AMTN: variants seen among roughly 807,000 people sequenced by gnomAD.
AMTN encodes the protein RSTI689.
AMTN carries 29 observed loss-of-function variants against 27.4 expected under a neutral mutation model. That is an observed-to-expected ratio of 1.06 (90% CI 0.79 to 1.44). The LOEUF (loss-of-function observed/expected upper bound fraction) is 1.44, where lower values mean the gene tolerates loss of function less well. AMTN is among the 40% of genes most tolerant of loss of function. The pLI, the probability that AMTN is intolerant of heterozygous loss-of-function variation, is 0.00. For missense variants in AMTN, 247 were observed against 248.8 expected (o/e 0.99, Z 0.05); for synonymous variants, 86 against 95.7 (o/e 0.90, Z 0.59).
In AMTN at chr4:70,528,655, A is replaced by G. The variant is rs1023635381; in HGVS notation, c.295-68A>G. 2.1e-6 allele frequency: 3 copies of G among 1,426,768 alleles called. No homozygotes were observed. In the African/African-American group the frequency reaches 4.3e-5, roughly 20 times the overall value. The allele number at this position is 1,426,768 out of a possible 1,614,324, so 88.4% of individuals were successfully genotyped here. A position where few individuals can be genotyped will look rare whatever the true frequency, so the allele number is the denominator to read the frequency against. ...ACAGAGCAAGACTCCATCTCCAAAA[A>G]AAGATATCAGTATTTATACCATCTT... On this transcript the variant is annotated intron_variant, in intron 5 of 8. Coordinates refer to ENST00000339336, the MANE Select transcript of AMTN (RefSeq NM_212557.4).
chr4:70,527,933 T>A (rs1043922387), intron 5 of AMTN, among the ~76,000 whole-genome samples: 2 of 152,144 alleles, frequency 1.3e-5, no homozygotes, highest in African/African-American at 4.8e-5. Context: ...ATGCCAGGGG[T>A]TACTGAGCAA....
chr4:70,522,728 TCAAATATGTATTTGTTTTCA>T lies in AMTN; in HGVS notation c.55-22_55-3del. The T allele has an allele frequency of 6.2e-7, 1 of 1,609,898 alleles. No homozygotes were observed. Among genetic ancestry groups the T allele is most frequent in the Non-Finnish European group, 8.5e-7 (1 of 1,176,280 alleles). On this transcript the variant is annotated splice_region_variant and splice_polypyrimidine_tract_variant and intron_variant, in intron 2 of 8. Coordinates refer to ENST00000339336, the MANE Select transcript of AMTN (RefSeq NM_212557.4). ...AAATCTTAAACACATTCCTGCCTCA[TCAAATATGTATTTGTTTTCA>T]CAAAAGCAGCTCAAACCTGCTTTGG...
intron 5 of AMTN, among the ~76,000 whole-genome samples, chr4:70,528,161 G>A (rs1384745081): frequency 6.6e-6 from 1 of 151,438 alleles, no homozygotes; most frequent in Admixed American, 6.6e-5. Context: ...ATTTTTTTTT[G>A]TTGTTTATCC....
intron 5 of AMTN, among the ~76,000 whole-genome samples, chr4:70,527,830 C>G (rs1351148621): frequency 6.6e-6 from 1 of 152,156 alleles, no homozygotes; most frequent in East Asian, 1.9e-4. Context: ...TCACTCGAAT[C>G]TTTTTCATCT....
chr4:70,530,912 G>T, intron 7 of AMTN, 127 bp from the exon 8 acceptor site: 1 of 1,297,562 alleles, frequency 7.7e-7, no homozygotes, highest in Admixed American at 2.4e-5. Context: ...GGAATGCCAG[G>T]TCTTTGCTGT....
intron 5 of AMTN, 77 bp from the exon 6 acceptor site, chr4:70,528,645 AT>A (rs1343223409): frequency 7.6e-7 from 1 of 1,307,490 alleles, no homozygotes; most frequent in Non-Finnish European, 1.1e-6. Context: ...GCAAGACTCC[AT>A]CTCCAAAAAA....
At chr4:70,524,561 G>T (rs1736053646) in intron 4 of AMTN, among the ~76,000 whole-genome samples, 2 of 152,136 alleles carry the variant, frequency 1.3e-5, no homozygotes, top group Non-Finnish European at 2.9e-5. Context: ...AGGAAGAATT[G>T]CTCTTGTAGC....
Position 70,527,228 on chromosome 4 carries a change from C to T in AMTN, c.295-1495C>T, listed in dbSNP as rs1031392104. ...AAAACAATGCCTACCACATAGTAAA[C>T]ATGCGATGTGTTATTACGATTTCAA... is the stretch of plus-strand genomic sequence containing the variant. On this transcript the variant is annotated intron_variant, in intron 5 of 8. Transcript: ENST00000339336. 7.2e-5 allele frequency among the ~76,000 whole-genome samples: 11 copies of T among 152,268 alleles called. No homozygotes were observed. In the East Asian group the frequency reaches 1.2e-3, roughly 16 times the overall value.
intron 4 of AMTN, 48 bp downstream of exon 4, chr4:70,523,981 A>G (rs1736040242): frequency 6.7e-7 from 1 of 1,487,682 alleles, no homozygotes; most frequent in Non-Finnish European, 9.4e-7. Context: ...AAATAAATAT[A>G]ATGCCTAATA....
intron 3 of AMTN, among the ~76,000 whole-genome samples, chr4:70,523,577 G>A (rs1004284269): frequency 5.9e-5 from 9 of 152,100 alleles, no homozygotes; most frequent in African/African-American, 1.9e-4. Context: ...TACAAAATTC[G>A]ATATGTAAAA....
intron 7 of AMTN, among the ~76,000 whole-genome samples, chr4:70,530,599 T>C (rs1736199114): frequency 6.6e-6 from 1 of 152,198 alleles, no homozygotes; most frequent in Non-Finnish European, 1.5e-5. Flanking sequence ...GAATTCTTTA[T>C]GTATCTTCAA....
chr4:70,531,238 C>A lies in AMTN; in HGVS notation c.557C>A (p.Thr186Asn), dbSNP rs749080965. Residue 186 changes from threonine (T) to asparagine (N), a missense_variant, in exon 8 of 9, where the codon ACC becomes AAC. Physicochemically the swap from Thr to Asn is moderately conservative, Grantham distance 65 (BLOSUM62 0). Coordinates refer to ENST00000339336, the MANE Select transcript of AMTN (RefSeq NM_212557.4). Reference protein sequence around the residue: ...SGTDDDFAVTTPAGIQRSTHA... With the variant: ...SGTDDDFAVTNPAGIQRSTHA... ...ACAGATGACGACTTTGCAGTGACCACCCCTGCAGGCATCCAAAGGAGCACA... is the reference window on the plus strand; with the variant it reads ...ACAGATGACGACTTTGCAGTGACCAACCCTGCAGGCATCCAAAGGAGCACA... 8.1e-6 allele frequency: 13 copies of A among 1,613,952 alleles called. 1 individual carries two copies. In the South Asian group the frequency reaches 9.9e-5, roughly 12 times the overall value.
chr4:70,532,567 T>C lies in AMTN; in HGVS notation c.*102T>C. The C allele has an allele frequency of 2.9e-6, 3 of 1,046,806 alleles. No homozygotes were observed. The highest frequency in any genetic ancestry group is 1.5e-5 in the South Asian group (1 of 64,978). 64.8% of individuals were successfully genotyped at this position (1,046,806 alleles called of 1,614,324 possible). Reference sequence around the variant, plus strand: ...GAATAGATTGAGACACATTGGATAGTCTTAGAAGAAATTAATTCTTAATTT... The same window carrying C: ...GAATAGATTGAGACACATTGGATAGCCTTAGAAGAAATTAATTCTTAATTT... On this transcript the variant is annotated 3_prime_UTR_variant, in exon 9 of 9. Coordinates refer to ENST00000339336, the MANE Select transcript of AMTN (RefSeq NM_212557.4).
rs149276028 is a variant in AMTN, at chr4:70,526,212, T to G, written c.294+1251T>G. ...TCTAGAGTATGTCCTTCCAGTCTTT[T>G]TTCTATACACATAAGTACATTTTTA... is the stretch of plus-strand genomic sequence containing the variant. On this transcript the variant is annotated intron_variant, in intron 5 of 8. Transcript: ENST00000339336. 9.5e-4 allele frequency among the ~76,000 whole-genome samples: 144 copies of G among 152,312 alleles called. 1 individual carries two copies. Among genetic ancestry groups the G allele is most frequent in the African/African-American group, 3.2e-3 (134 of 41,586 alleles).
At chr4:70,531,449 T>C in intron 8 of AMTN, 149 bp downstream of exon 8, 2 of 1,040,080 alleles carry the variant, frequency 1.9e-6, no homozygotes. Flanking sequence ...TCCAGCAACA[T>C]GAGGGAATAT....
chr4:70,527,855 T>C (rs1736131698), intron 5 of AMTN, among the ~76,000 whole-genome samples: 1 of 152,196 alleles, frequency 6.6e-6, no homozygotes, highest in Non-Finnish European at 1.5e-5. Flanking sequence ...GTGAACTAAA[T>C]TTATAATATT....
rs191716131 is a variant in AMTN, at chr4:70,532,694, C to T, written c.*229C>T. 217 of 470,914 alleles carry T rather than the reference C, an allele frequency of 4.6e-4. 1 individual carries two copies. The highest frequency in any genetic ancestry group is 1.7e-3 in the Middle Eastern group (3 of 1,780). The allele number at this position is 470,914 out of a possible 1,614,324, so 29.2% of individuals were successfully genotyped here. ...GGATAAATCTGTCTTTGAAATATAACATTATGCTGCCTGGATGATATGCAT... is the reference window on the plus strand; with the variant it reads ...GGATAAATCTGTCTTTGAAATATAATATTATGCTGCCTGGATGATATGCAT... On this transcript the variant is annotated 3_prime_UTR_variant, in exon 9 of 9. Coordinates refer to ENST00000339336, the MANE Select transcript of AMTN (RefSeq NM_212557.4).
At chr4:70,525,830 G>C (rs1395314512) in intron 5 of AMTN, among the ~76,000 whole-genome samples, 1 of 152,110 alleles carries the variant, frequency 6.6e-6, no homozygotes, top group East Asian at 1.9e-4. Context: ...AGCAAGGGAG[G>C]TCAAGGCTGC....
At chr4:70,530,908 C>T (rs1383978949) in intron 7 of AMTN, 131 bp from the exon 8 acceptor site, 1 of 1,257,110 alleles carries the variant, frequency 8.0e-7, no homozygotes, top group African/African-American at 1.5e-5. Flanking sequence ...CTGAGGAATG[C>T]CAGGTCTTTG....
Sources: allele counts gnomAD v4.1 joint callset (sites outside exome capture counted in the v4.1 genomes callset), GRCh38; gene constraint gnomAD v4.1.1; transcripts MANE v1.5; gene names NCBI Gene and HGNC (gene_info 2026-07-23, HGNC 2026-07-21).